STX8: variants seen among roughly 807,000 people sequenced by gnomAD.
The protein encoded by STX8 is syntaxin 8, also known as syntaxin-8.
Under a neutral mutation model 37.5 loss-of-function variants are expected in STX8, and 23 were observed. That is an observed-to-expected ratio of 0.61 (90% CI 0.44 to 0.87). The LOEUF (loss-of-function observed/expected upper bound fraction) is 0.87, where lower values mean the gene tolerates loss of function less well. STX8 is among the 40% of genes least tolerant of loss of function. The pLI, the probability that STX8 is intolerant of heterozygous loss-of-function variation, is 0.00. For synonymous variants in STX8, 115 were observed against 99.1 expected, an observed-to-expected ratio of 1.16 and a Z score of -0.95; for missense variants, 313 against 284.7, an observed-to-expected ratio of 1.10 and a Z score of -0.71.
At chr17:9,265,974 C>T (rs1294663557) in intron 7 of STX8, among the ~76,000 whole-genome samples, 2 of 152,130 alleles carry the variant, frequency 1.3e-5, no homozygotes, top group African/African-American at 2.4e-5. Flanking sequence ...CCCTTTCCCT[C>T]GAGTCCTAGG....
chr17:9,411,450 T>C (rs542718575), intron 6 of STX8, among the ~76,000 whole-genome samples: 3 of 152,326 alleles, frequency 2.0e-5, no homozygotes, highest in African/African-American at 7.2e-5. Context: ...ATAAAACGAA[T>C]GTTCTCAACA....
chr17:9,380,731 T>A (rs932865865), intron 6 of STX8, among the ~76,000 whole-genome samples: 1 of 148,178 alleles, frequency 6.7e-6, no homozygotes, highest in African/African-American at 2.5e-5. Flanking sequence ...TTTTTTTTTT[T>A]AGAGGGAGTC....
intron 5 of STX8, among the ~76,000 whole-genome samples, chr17:9,495,629 G>C (rs183490969): frequency 2.6e-5 from 4 of 152,270 alleles, no homozygotes; most frequent in East Asian, 1.9e-4. Context: ...ACATGAGAAA[G>C]AGAACTAAAA....
chr17:9,353,736 G>A (rs1270423876), intron 7 of STX8, among the ~76,000 whole-genome samples: 2 of 152,102 alleles, frequency 1.3e-5, no homozygotes, highest in Admixed American at 6.6e-5. Flanking sequence ...GGTGCGTAAA[G>A]TATATTTAAG....
At chr17:9,367,938 G>A (rs1419107199) in intron 7 of STX8, among the ~76,000 whole-genome samples, 1 of 152,092 alleles carries the variant, frequency 6.6e-6, no homozygotes, top group Non-Finnish European at 1.5e-5. Context: ...TGCCATGTTG[G>A]TCAGGCTGGT....
At chr17:9,339,070 C>CAAA (rs34987749) in intron 7 of STX8, among the ~76,000 whole-genome samples, 110 of 69,848 alleles carry the variant, frequency 1.6e-3, no homozygotes, top group South Asian at 5.4e-3. Context: ...GACTCCGTCT[C>CAAA]AAAAAAAAAA....
At chr17:9,387,335 A>G (rs1377631102) in intron 6 of STX8, among the ~76,000 whole-genome samples, 1 of 148,088 alleles carries the variant, frequency 6.8e-6, no homozygotes, top group African/African-American at 2.5e-5. Context: ...GCGCTCTGTC[A>G]CTCAGGCTGG....
intron 7 of STX8, among the ~76,000 whole-genome samples, chr17:9,353,314 C>T (rs1481570585): frequency 6.6e-6 from 1 of 152,170 alleles, no homozygotes; most frequent in Non-Finnish European, 1.5e-5. Context: ...ATCTTCCTGT[C>T]CCAGATTTAG....
At chr17:9,405,922 G>C (rs565439321) in intron 6 of STX8, among the ~76,000 whole-genome samples, 1 of 152,206 alleles carries the variant, frequency 6.6e-6, no homozygotes, top group African/African-American at 2.4e-5. Flanking sequence ...GCTTTAAGTT[G>C]TCATAGAATG....
chr17:9,386,592 C>G (rs184356483), intron 6 of STX8, among the ~76,000 whole-genome samples: 2 of 152,106 alleles, frequency 1.3e-5, no homozygotes, highest in East Asian at 3.9e-4. Flanking sequence ...GGCAGGCAGG[C>G]AGGCAAGACA....
intron 7 of STX8, among the ~76,000 whole-genome samples, chr17:9,269,505 G>A (rs1907371941): frequency 6.6e-6 from 1 of 152,168 alleles, no homozygotes; most frequent in South Asian, 2.1e-4. Flanking sequence ...TCCAATGTCT[G>A]CTGCTAGTGC....
chr17:9,446,521 C>G (rs1904858323), intron 6 of STX8, among the ~76,000 whole-genome samples: 2 of 152,110 alleles, frequency 1.3e-5, no homozygotes, highest in Admixed American at 6.6e-5. Context: ...TTCTTCAAGG[C>G]TGGTGAGGAG....
chr17:9,563,678 G>A lies in STX8; in HGVS notation c.117+4693C>T, dbSNP rs142283824. On this transcript the variant is annotated intron_variant, in intron 2 of 7. Coordinates refer to ENST00000306357, the MANE Select transcript of STX8 (RefSeq NM_004853.3). The stretch of plus-strand genomic sequence containing the variant: ...GAGAGGAATGGGAACAAGACTTTGA[G>A]TGTCACTTTTATATAATTTTGACTT... Among the ~76,000 whole-genome samples, 149 of 152,182 alleles carry A rather than the reference G, an allele frequency of 9.8e-4. 3 individuals carry two copies. Among genetic ancestry groups the A allele is most frequent in the African/African-American group, 3.4e-3 (141 of 41,500 alleles).
At chr17:9,537,179 G>T (rs972541925) in intron 4 of STX8, among the ~76,000 whole-genome samples, 9 of 152,378 alleles carry the variant, frequency 5.9e-5, no homozygotes, top group Non-Finnish European at 1.0e-4. Context: ...AAAGCTATTT[G>T]TCTTTCCATC....
At chr17:9,348,290 C>T (rs1199236292) in intron 7 of STX8, among the ~76,000 whole-genome samples, 1 of 151,698 alleles carries the variant, frequency 6.6e-6, no homozygotes, top group East Asian at 1.9e-4. Context: ...GTGGTGCGGA[C>T]GCCTGTAATC....
At chr17:9,491,992 G>T in intron 5 of STX8, 71 bp from the exon 6 acceptor site, 1 of 1,032,714 alleles carries the variant, frequency 9.7e-7, no homozygotes, top group Non-Finnish European at 1.4e-6. Flanking sequence ...AGTATACCCA[G>T]GCATATAACA....
At chr17:9,518,550 G>A (rs537313433) in intron 4 of STX8, among the ~76,000 whole-genome samples, 14 of 152,260 alleles carry the variant, frequency 9.2e-5, no homozygotes, top group Admixed American at 7.2e-4. Flanking sequence ...AAGTCTATCT[G>A]TGCTAGGGGC....
intron 7 of STX8, among the ~76,000 whole-genome samples, chr17:9,377,316 A>T (rs896520221): frequency 2.5e-4 from 37 of 147,518 alleles, no homozygotes; most frequent in Non-Finnish European, 3.6e-4. Flanking sequence ...TTTTTTTTTT[A>T]AAGACACAAG....
At chr17:9,254,020 C>G (rs548103793) in intron 7 of STX8, among the ~76,000 whole-genome samples, 2 of 152,242 alleles carry the variant, frequency 1.3e-5, no homozygotes, top group South Asian at 4.1e-4. Flanking sequence ...CCCTGCTCCA[C>G]GATGGAACTA....
Sources: allele counts gnomAD v4.1 joint callset (sites outside exome capture counted in the v4.1 genomes callset), GRCh38; gene constraint gnomAD v4.1.1; transcripts MANE v1.5; gene names NCBI Gene and HGNC (gene_info 2026-07-23, HGNC 2026-07-21).